STK35: variants seen among roughly 807,000 people sequenced by gnomAD.
STK35 encodes serine/threonine-protein kinase 35.
A neutral mutation model predicts 37.3 loss-of-function variants in STK35; 17 were observed. That is an observed-to-expected ratio of 0.46 (90% confidence interval 0.31 to 0.68). The LOEUF is 0.68. STK35 is among the 30% of genes least tolerant of loss of function. The pLI is 0.05. For synonymous variants in STK35, 385 were observed against 319.1 expected (o/e 1.21, Z -2.20); for missense variants, 595 against 746.7 (o/e 0.80, Z 2.37).
In STK35 at chr20:2,124,861, A is replaced by AT. The variant is rs200606614; in HGVS notation, c.*37+7454dup. 5.3e-3 allele frequency among the ~76,000 whole-genome samples: 801 copies of AT among 151,888 alleles called. 3 individuals are homozygous for AT. The highest frequency in any genetic ancestry group is 0.012 in the Admixed American group (189 of 15,262). On this transcript the variant is annotated intron_variant, in intron 3 of 3. Transcript: ENST00000381482. ...CCCAGGTGGGGAAGGCTGGTATTTT[A>AT]TTTTTTTTGTAAGTCCCCACAAGCT...
intron 2 of STK35, among the ~76,000 whole-genome samples, chr20:2,111,321 T>G (rs1985613746): frequency 1.3e-5 from 2 of 152,238 alleles, no homozygotes; most frequent in African/African-American, 4.8e-5. Context: ...CCCATAGCGT[T>G]GTCAGCAGCC....
Position 2,102,781 on chromosome 20 carries a change from G to A in STK35, c.308G>A (p.Gly103Asp), listed in dbSNP as rs1985422579. 1.4e-6 allele frequency: 2 copies of A among 1,463,562 alleles called. No individual in the cohort carries two copies. Among genetic ancestry groups the A allele is most frequent in the South Asian group, 1.3e-5 (1 of 77,584 alleles). 90.7% of individuals were successfully genotyped at this position (1,463,562 alleles called of 1,614,324 possible). The stretch of plus-strand genomic sequence containing the variant: ...TTTCGCCCGCAGGTCACAATCCAAG[G>A]TCCGGCTCCTCCGCGTCCCAGGGCC... ...WRCAGQVTIQ[G>D]PAPPRPRAGR... The change falls in exon 2 of 4, where the codon GGT becomes GAT. Residue 103 changes from glycine to aspartate, a missense_variant. Gly to Asp is a moderately conservative substitution (Grantham distance 94, BLOSUM62 -1). This residue lies in a region of STK35 where 389 missense variants were observed against 320.0 expected (regional missense o/e 1.22). Coordinates refer to ENST00000381482, the MANE Select transcript of STK35 (RefSeq NM_080836.4).
rs746141052 is a variant in STK35, at chr20:2,103,343, C to T, written c.870C>T (p.Arg290=). ...HGNKSSQLYL[R]LVETSLKGER... is the part of the protein sequence containing the mutation. ...ACAAGAGCTCGCAGCTTTACCTGCG[C>T]CTGGTGGAGACCTCGCTGAAAGGTA... is the stretch of plus-strand genomic sequence containing the variant. Residue 290 remains arginine (R), a synonymous_variant, in exon 2 of 4, where the codon CGC becomes CGT. Coordinates refer to ENST00000381482, the MANE Select transcript of STK35 (RefSeq NM_080836.4). The T allele has an allele frequency of 1.4e-5, 22 of 1,611,992 alleles. No homozygotes were observed. In the Admixed American group the frequency reaches 2.3e-4, roughly 17 times the overall value.
chr20:2,125,295 C>T (rs1985885737), intron 3 of STK35, among the ~76,000 whole-genome samples: 1 of 152,332 alleles, frequency 6.6e-6, no homozygotes, highest in Non-Finnish European at 1.5e-5. Context: ...GACCCCTTGA[C>T]TTGTGCAGGG....
Position 2,148,394 on chromosome 20 carries a change from G to GTACTTGGTT in STK35, c.*4656_*4664dup, listed in dbSNP as rs1338953959. 6.6e-6 allele frequency: 1 copy of GTACTTGGTT among 152,548 alleles called. No homozygotes were observed. The highest frequency in any genetic ancestry group is 1.5e-5 in the Non-Finnish European group (1 of 68,016). The allele number at this position is 152,548 out of a possible 1,614,324, so 9.4% of individuals were successfully genotyped here. On this transcript the variant is annotated 3_prime_UTR_variant, in exon 4 of 4. Coordinates refer to ENST00000381482, the MANE Select transcript of STK35 (RefSeq NM_080836.4). ...GAACAACTTTATATGAATATTTTTTGTACTTGGTTTACTTGGGTTGGTATG... is the reference window on the plus strand; with the variant it reads ...GAACAACTTTATATGAATATTTTTTGTACTTGGTTTACTTGGTTTACTTGGGTTGGTATG...
Position 2,102,785 on chromosome 20 carries a change from G to C in STK35, c.312G>C (p.Pro104=), listed in dbSNP as rs1416922650. The change falls in exon 2 of 4, where the codon CCG becomes CCC. Residue 104 remains proline, a synonymous_variant. Transcript: ENST00000381482. ...RCAGQVTIQG[P]APPRPRAGRR... ...GCCCGCAGGTCACAATCCAAGGTCC[G>C]GCTCCTCCGCGTCCCAGGGCCGGAC... The C allele has an allele frequency of 1.4e-6, 2 of 1,465,800 alleles. No homozygotes were observed. Among genetic ancestry groups the C allele is most frequent in the Non-Finnish European group, 1.8e-6 (2 of 1,108,690 alleles). 90.8% of individuals were successfully genotyped at this position (1,465,800 alleles called of 1,614,324 possible). A position where few individuals can be genotyped will look rare whatever the true frequency, so the allele number is the denominator to read the frequency against.
chr20:2,102,125 G>GGGGCTCCAGGGGGGAAAC lies in STK35; in HGVS notation c.249_266dup (p.Pro84_Ala89dup). The GGGGCTCCAGGGGGGAAAC allele has an allele frequency of 7.1e-7, 1 of 1,409,306 alleles. No homozygotes were observed. Among genetic ancestry groups the GGGGCTCCAGGGGGGAAAC allele is most frequent in the Non-Finnish European group, 9.2e-7 (1 of 1,081,742 alleles). The allele number at this position is 1,409,306 out of a possible 1,614,324, so 87.3% of individuals were successfully genotyped here. ...GCCCGGAGCGGACCATCCCCAGGCAGGGGCTCCAGGGGGGAAACGGGCCGC... is the reference window on the plus strand; with the variant it reads ...GCCCGGAGCGGACCATCCCCAGGCAGGGGCTCCAGGGGGGAAACGGGCTCCAGGGGGGAAACGGGCCGC... On this transcript the variant is annotated inframe_insertion, in exon 1 of 4. Coordinates refer to ENST00000381482, the MANE Select transcript of STK35 (RefSeq NM_080836.4).
chr20:2,147,553 G>A lies in STK35; in HGVS notation c.*3807G>A, dbSNP rs1161404837. The A allele has an allele frequency of 6.6e-6, 1 of 152,208 alleles. No homozygotes were observed. Among genetic ancestry groups the A allele is most frequent in the Non-Finnish European group, 1.5e-5 (1 of 68,086 alleles). The allele number at this position is 152,208 out of a possible 1,614,324, so 9.4% of individuals were successfully genotyped here. A position where few individuals can be genotyped will look rare whatever the true frequency, so the allele number is the denominator to read the frequency against. On this transcript the variant is annotated 3_prime_UTR_variant, in exon 4 of 4. Coordinates refer to ENST00000381482, the MANE Select transcript of STK35 (RefSeq NM_080836.4). ...CAGGAGTCAGGCTGCCACCCCCTAA[G>A]GAGGGACCCTAACGTTCTGCCCTTG...
chr20:2,113,966 T>G (rs1483512374), intron 2 of STK35, among the ~76,000 whole-genome samples: 3 of 152,084 alleles, frequency 2.0e-5, no homozygotes, highest in Non-Finnish European at 4.4e-5. Flanking sequence ...AAACAAAGAA[T>G]CCACCCAGTG....
At position 2,117,526 on chromosome 20, in the gene STK35, C is replaced by T. The variant is rs1041299911; in HGVS notation, c.*37+111C>T. On this transcript the variant is annotated intron_variant, in intron 3 of 3. Transcript: ENST00000381482. The surrounding 1 kb of genome is among the most constrained non-coding windows in gnomAD (Gnocchi z 4.4). ...GTGGCAGGATCTCAGCTCACTGCAACCTCCACCTCCCGAGTTCAAGTGATT... is the reference window on the plus strand; with the variant it reads ...GTGGCAGGATCTCAGCTCACTGCAATCTCCACCTCCCGAGTTCAAGTGATT... 1 of 586,806 alleles carries T rather than the reference C, an allele frequency of 1.7e-6. No homozygotes were observed. The highest frequency in any genetic ancestry group is 2.9e-6 in the Non-Finnish European group (1 of 344,418). The allele number at this position is 586,806 out of a possible 1,614,324, so 36.3% of individuals were successfully genotyped here.
chr20:2,114,913 A>G (rs562950996), intron 2 of STK35, among the ~76,000 whole-genome samples: 24 of 152,324 alleles, frequency 1.6e-4, no homozygotes, highest in Middle Eastern at 3.4e-3. Flanking sequence ...CCTGTAGTAC[A>G]CATTTCTTGC....
chr20:2,103,390 C>T (rs775041740), intron 2 of STK35, 25 bp downstream of exon 2: 1 of 1,596,840 alleles, frequency 6.3e-7, no homozygotes, highest in Non-Finnish European at 8.5e-7. Flanking sequence ...GGCCTTTCCA[C>T]CCACGCAGGG....
intron 3 of STK35, among the ~76,000 whole-genome samples, chr20:2,136,539 G>T (rs184668453): frequency 6.6e-6 from 1 of 152,344 alleles, no homozygotes; most frequent in Non-Finnish European, 1.5e-5. Context: ...CAGTGGGAAC[G>T]TGTGCAGAGC....
intron 3 of STK35, among the ~76,000 whole-genome samples, chr20:2,132,216 C>T (rs972785729): frequency 4.6e-5 from 7 of 152,244 alleles, no homozygotes. Flanking sequence ...AATCCATATG[C>T]ACCGCACTGT....
intron 3 of STK35, among the ~76,000 whole-genome samples, chr20:2,119,747 C>G (rs115973629): frequency 2.0e-5 from 3 of 152,194 alleles, no homozygotes; most frequent in African/African-American, 7.2e-5. Context: ...TGCTGATCCT[C>G]CTGGTGGTCA....
intron 2 of STK35, among the ~76,000 whole-genome samples, chr20:2,104,323 C>T (rs1008346634): frequency 8.5e-5 from 13 of 152,314 alleles, no homozygotes; most frequent in African/African-American, 3.1e-4. Flanking sequence ...GTTTACTAAT[C>T]CGAGTCCCAG....
At chr20:2,110,217 C>T (rs1985592147) in intron 2 of STK35, among the ~76,000 whole-genome samples, 1 of 152,230 alleles carries the variant, frequency 6.6e-6, no homozygotes, top group Non-Finnish European at 1.5e-5. Context: ...ATGTACAACT[C>T]CTAATTAAAC....
At chr20:2,126,458 A>C (rs1008531262) in intron 3 of STK35, among the ~76,000 whole-genome samples, 1 of 152,150 alleles carries the variant, frequency 6.6e-6, no homozygotes, top group Non-Finnish European at 1.5e-5. Flanking sequence ...GCCACATCTC[A>C]GGGTACATAC....
intron 2 of STK35, 28 bp from the exon 3 acceptor site, chr20:2,116,638 A>G (rs1985722258): frequency 6.3e-7 from 1 of 1,596,554 alleles, no homozygotes; most frequent in African/African-American, 1.3e-5. Context: ...CATCTCACTC[A>G]AGCTCCTTCC....
Sources: allele counts gnomAD v4.1 joint callset (sites outside exome capture counted in the v4.1 genomes callset), GRCh38; gene constraint gnomAD v4.1.1; regional missense constraint gnomAD v4.1.1; non-coding constraint Gnocchi (gnomAD v3.1); transcripts MANE v1.5; gene names NCBI Gene and HGNC (gene_info 2026-07-23, HGNC 2026-07-21).